BABAM2: variants seen among roughly 807,000 people sequenced by gnomAD.
The protein encoded by BABAM2 is BRISC and BRCA1-A complex member 2.
A neutral mutation model predicts 54.7 loss-of-function variants in BABAM2; 31 were observed. The ratio of observed to expected loss-of-function variants is 0.57; its 90% CI spans 0.43 to 0.77. The LOEUF is 0.77. Among genes scored for constraint, BABAM2 ranks in the 30% least tolerant of loss-of-function variants. BABAM2 has a pLI of 0.00. For synonymous variants in BABAM2, 167 were observed against 162.9 expected, an observed-to-expected ratio of 1.03 and a Z score of -0.19; for missense variants, 364 against 455.8, an observed-to-expected ratio of 0.80 and a Z score of 1.83.
intron 2 of BABAM2, chr2:27,896,990 C>G (rs1385895854): frequency 1.9e-5 from 3 of 154,896 alleles, no homozygotes; most frequent in Non-Finnish European, 4.3e-5. Flanking sequence ...TCTGCACCCT[C>G]TCTGCATCCC....
intron 3 of BABAM2, among the ~76,000 whole-genome samples, chr2:27,961,654 C>T (rs1246360199): frequency 6.6e-6 from 1 of 151,776 alleles, no homozygotes; most frequent in Non-Finnish European, 1.5e-5. Flanking sequence ...TATGCCTTGA[C>T]CCAGTAATAT....
intron 2 of BABAM2, among the ~76,000 whole-genome samples, chr2:27,920,246 G>A (rs1013677145): frequency 9.9e-5 from 15 of 152,056 alleles, no homozygotes; most frequent in African/African-American, 3.4e-4. Context: ...TTGTGGATTT[G>A]GTCTGGCCAG....
In BABAM2 at chr2:27,995,197, G is replaced by A. The variant is rs1279983812; in HGVS notation, c.300+7110G>A. Among the ~76,000 whole-genome samples the A allele has an allele frequency of 6.6e-6, 1 of 152,194 alleles. No homozygotes were observed. The highest frequency in any genetic ancestry group is 1.5e-5 in the Non-Finnish European group (1 of 68,034). ...AATTGGTGCAGGTGGCCTACTGGGT[G>A]CTGGTAAGCCAGAGCTGGCAAAGTG... On this transcript the variant is annotated intron_variant, in intron 4 of 11. Transcript: ENST00000379624. The surrounding 1 kb of genome is among the most constrained non-coding windows in gnomAD (Gnocchi z 4.1).
chr2:28,327,438 G>C, intron 11 of BABAM2: 1 of 1,589,962 alleles, frequency 6.3e-7, no homozygotes, highest in African/African-American at 1.4e-5. Context: ...CAGTAATTTT[G>C]ATCACTTTGG....
intron 10 of BABAM2, among the ~76,000 whole-genome samples, chr2:28,283,701 A>T (rs1686569388): frequency 6.6e-6 from 1 of 152,206 alleles, no homozygotes; most frequent in South Asian, 2.1e-4. Context: ...CCAGGAAACT[A>T]CAGATATAGG....
chr2:27,964,193 G>T (rs547984915), intron 3 of BABAM2, among the ~76,000 whole-genome samples: 2 of 152,234 alleles, frequency 1.3e-5, no homozygotes, highest in Admixed American at 6.5e-5. Context: ...CCCTTCTCAT[G>T]TACCTGCTTT....
At chr2:28,299,579 C>T (rs902865481) in intron 11 of BABAM2, among the ~76,000 whole-genome samples, 2 of 152,130 alleles carry the variant, frequency 1.3e-5, no homozygotes, top group African/African-American at 4.8e-5. Flanking sequence ...ATTTGCTCAT[C>T]CAGTATTTAT....
At chr2:28,130,644 G>A (rs548415498) in intron 7 of BABAM2, among the ~76,000 whole-genome samples, 1 of 152,136 alleles carries the variant, frequency 6.6e-6, no homozygotes, top group East Asian at 1.9e-4. Flanking sequence ...TGTAGAGACC[G>A]GGTCTCGCTC....
At chr2:28,233,086 A>G (rs759179873) in intron 7 of BABAM2, 57 of 357,878 alleles carry the variant, frequency 1.6e-4, no homozygotes, top group Middle Eastern at 3.8e-4. Flanking sequence ...TTATTCCATG[A>G]AGAGAGAGAA....
intron 5 of BABAM2, among the ~76,000 whole-genome samples, chr2:28,043,994 A>C (rs1298397303): frequency 6.6e-6 from 1 of 152,182 alleles, no homozygotes; most frequent in Non-Finnish European, 1.5e-5. Flanking sequence ...GGCTTGCCTC[A>C]GCTTTGATTC....
rs150970937 is a variant in BABAM2 at position 28,139,808 on chromosome 2, T to C, written c.680+10428T>C. The stretch of plus-strand genomic sequence containing the variant: ...CTTTCCTGTTTGTCTTCACTTCTTG[T>C]GGTTTTATATTAAACTTCTATCCTT... On this transcript the variant is annotated intron_variant, in intron 7 of 11. Transcript: ENST00000379624. 1.1e-3 allele frequency among the ~76,000 whole-genome samples: 166 copies of C among 152,318 alleles called. 1 individual carries two copies. The highest frequency in any genetic ancestry group is 3.8e-3 in the African/African-American group (157 of 41,570).
chr2:28,064,111 A>G (rs1231575786), intron 6 of BABAM2, among the ~76,000 whole-genome samples: 1 of 152,246 alleles, frequency 6.6e-6, no homozygotes, highest in Non-Finnish European at 1.5e-5. Flanking sequence ...TCTCTGATAC[A>G]GTGGAACTGT....
At chr2:27,979,108 A>G (rs560709633) in intron 3 of BABAM2, among the ~76,000 whole-genome samples, 1 of 150,624 alleles carries the variant, frequency 6.6e-6, no homozygotes, top group South Asian at 2.1e-4. Context: ...GCTCACTGCA[A>G]CCTCCACCCC....
At chr2:28,076,565 C>T (rs889324650) in intron 6 of BABAM2, among the ~76,000 whole-genome samples, 36 of 151,834 alleles carry the variant, frequency 2.4e-4, no homozygotes, top group Admixed American at 1.1e-3. Context: ...GTGCGGTCTC[C>T]GCTCACTGCA....
chr2:27,933,593 G>A (rs898142644), intron 3 of BABAM2, among the ~76,000 whole-genome samples: 3 of 150,976 alleles, frequency 2.0e-5, no homozygotes, highest in South Asian at 2.1e-4. Context: ...CTCAGCCTCC[G>A]GAGTAGTTGG....
At chr2:27,889,896 G>A (rs1239932834), upstream of BABAM2, 1 of 225,154 alleles carries the variant, frequency 4.4e-6, no homozygotes, top group Non-Finnish European at 8.7e-6. Context: ...CATTCTCGGA[G>A]GTAAAATGAC....
intron 4 of BABAM2, among the ~76,000 whole-genome samples, chr2:28,012,946 A>T (rs1323614849): frequency 6.6e-6 from 1 of 152,126 alleles, no homozygotes; most frequent in African/African-American, 2.4e-5. Context: ...TCCATCCCCG[A>T]TTCTTAAGAA....
At position 27,917,081 on chromosome 2, in the gene BABAM2, G is replaced by A. The variant is rs373046014; in HGVS notation, c.129-12751G>A. 4.2e-5 allele frequency among the ~76,000 whole-genome samples: 6 copies of A among 143,786 alleles called. No homozygotes were observed. The East Asian group carries it at 1.0e-3, about 25-fold the overall frequency. 94.3% of individuals were successfully genotyped at this position (143,786 alleles called of 152,430 possible). ...TTGCCAGGCTGGAGTGCAGTGGCACGATCTCGGCTCACTGCAACTTCCGCC... is the reference window on the plus strand; with the variant it reads ...TTGCCAGGCTGGAGTGCAGTGGCACAATCTCGGCTCACTGCAACTTCCGCC... On this transcript the variant is annotated intron_variant, in intron 2 of 11. Transcript: ENST00000379624.
chr2:28,303,816 T>A (rs1441381253), intron 11 of BABAM2, among the ~76,000 whole-genome samples: 3 of 152,124 alleles, frequency 2.0e-5, no homozygotes, highest in Admixed American at 2.0e-4. Flanking sequence ...TTTATTTAGG[T>A]CTTTAGTTTC....
Sources: gnomAD v4.1 joint callset for allele counts (sites outside exome capture counted in the v4.1 genomes callset) on GRCh38, gnomAD v4.1.1 for gene constraint, Gnocchi (gnomAD v3.1) non-coding constraint, MANE v1.5 for transcripts, NCBI Gene and HGNC (gene_info 2026-07-23, HGNC 2026-07-21) for gene names.